Variants in CDK14 observed in about 807,000 individuals in gnomAD.
CDK14 encodes the protein cyclin-dependent kinase 14.
A neutral mutation model predicts 60.7 loss-of-function variants in CDK14; 34 were observed. The observed-to-expected ratio is 0.56, with a 90% confidence interval of 0.43 to 0.75. The LOEUF (loss-of-function observed/expected upper bound fraction) is 0.75. Ranked by LOEUF, CDK14 falls within the 30% of genes least tolerant of loss-of-function variation. The pLI is 0.00. For synonymous variants in CDK14, 197 were observed against 203.7 expected (o/e 0.97, Z 0.28); for missense variants, 482 against 564.1 (o/e 0.85, Z 1.47).
chr7:90,732,400 G>A (rs183382006), intron 3 of CDK14, among the ~76,000 whole-genome samples: 4 of 152,264 alleles, frequency 2.6e-5, no homozygotes, highest in East Asian at 3.9e-4. Context: ...GTTTGGAATC[G>A]TTTCAGAAGG....
At chr7:90,976,545 T>G (rs1024073226) in intron 9 of CDK14, among the ~76,000 whole-genome samples, 3 of 151,888 alleles carry the variant, frequency 2.0e-5, no homozygotes, top group African/African-American at 7.3e-5. Context: ...TTTAACTTTT[T>G]GTGGAGACAG....
At chr7:90,994,996 CTT>C (rs1465216840) in intron 10 of CDK14, among the ~76,000 whole-genome samples, 1 of 152,206 alleles carries the variant, frequency 6.6e-6, no homozygotes, top group African/African-American at 2.4e-5. Context: ...TATGTTATCT[CTT>C]GAGGTGAGCA....
chr7:91,176,498 C>G (rs1296999390), intron 14 of CDK14, among the ~76,000 whole-genome samples: 1 of 151,970 alleles, frequency 6.6e-6, no homozygotes, highest in Non-Finnish European at 1.5e-5. Context: ...AAAAACCCTT[C>G]AAAAAATTAA....
At chr7:90,778,909 T>C (rs966707091) in intron 4 of CDK14, among the ~76,000 whole-genome samples, 4 of 149,704 alleles carry the variant, frequency 2.7e-5, no homozygotes, top group Non-Finnish European at 5.9e-5. Context: ...CTTTTCTCTC[T>C]CCTCTCTCTT....
intron 2 of CDK14, among the ~76,000 whole-genome samples, chr7:90,722,800 G>A (rs576023795): frequency 3.9e-5 from 6 of 152,212 alleles, no homozygotes; most frequent in Admixed American, 3.9e-4. Flanking sequence ...TTGTAAGGCC[G>A]TTAAGGCATG....
intron 9 of CDK14, among the ~76,000 whole-genome samples, chr7:90,973,357 A>G (rs1430304552): frequency 1.3e-5 from 2 of 152,140 alleles, no homozygotes; most frequent in Non-Finnish European, 2.9e-5. Flanking sequence ...ATGCTGTGTC[A>G]TGATCCCTCT....
At chr7:90,882,256 G>A (rs1476362608) in intron 6 of CDK14, among the ~76,000 whole-genome samples, 1 of 44,114 alleles carries the variant, frequency 2.3e-5, no homozygotes, top group Non-Finnish European at 4.6e-5. Flanking sequence ...CCAAGCAAAT[G>A]GAAAGCAAAA....
chr7:90,931,999 T>A (rs1325581603), intron 8 of CDK14, among the ~76,000 whole-genome samples: 1 of 152,202 alleles, frequency 6.6e-6, no homozygotes, highest in Non-Finnish European at 1.5e-5. Flanking sequence ...ACGGAAAAAT[T>A]AGGGAAGCAA....
chr7:90,871,290 A>G (rs1791365313), intron 6 of CDK14, among the ~76,000 whole-genome samples: 1 of 152,204 alleles, frequency 6.6e-6, no homozygotes, highest in South Asian at 2.1e-4. Flanking sequence ...TTGGTTTTAA[A>G]AAAAGAAAGC....
In CDK14 at chr7:91,133,404, A is replaced by C. The variant is rs147489447; in HGVS notation, c.*28+15196A>C. On this transcript the variant is annotated intron_variant, in intron 14 of 14. Transcript: ENST00000380050. ...CAGGGATAATTATGATAACAATGAA[A>C]AAAATGTTGAAACAACTAATGTAAA... 3.3e-4 allele frequency among the ~76,000 whole-genome samples: 51 copies of C among 152,314 alleles called. No individual in the cohort carries two copies. In the East Asian group the frequency reaches 9.1e-3, roughly 27 times the overall value.
At chr7:90,778,166 T>TGTTC (rs1347740238) in intron 4 of CDK14, among the ~76,000 whole-genome samples, 4 of 152,238 alleles carry the variant, frequency 2.6e-5, no homozygotes, top group Non-Finnish European at 4.4e-5. Context: ...TCCAGTTGGA[T>TGTTC]GTTCCCAGAC....
At chr7:90,634,898 T>C (rs1429141618) in intron 2 of CDK14, among the ~76,000 whole-genome samples, 2 of 152,158 alleles carry the variant, frequency 1.3e-5, no homozygotes, top group Admixed American at 6.5e-5. Flanking sequence ...GATGAGCATT[T>C]TTTCATGTGT....
intron 5 of CDK14, among the ~76,000 whole-genome samples, chr7:90,825,147 A>T (rs1789679470): frequency 6.6e-6 from 1 of 152,172 alleles, no homozygotes. Context: ...TATATAACTA[A>T]AGCTTATGTG....
chr7:90,872,557 C>T (rs1791403223), intron 6 of CDK14, among the ~76,000 whole-genome samples: 1 of 152,114 alleles, frequency 6.6e-6, no homozygotes, highest in African/African-American at 2.4e-5. Flanking sequence ...TCTTTTCTAT[C>T]CTTTTCCCTA....
intron 12 of CDK14, among the ~76,000 whole-genome samples, chr7:91,101,580 CATT>C (rs1221367685): frequency 1.3e-5 from 2 of 152,094 alleles, no homozygotes; most frequent in African/African-American, 2.4e-5. Context: ...GGAGGAATCT[CATT>C]ATTTTTTTTA....
At chr7:90,737,447 T>A (rs1313693605) in intron 3 of CDK14, among the ~76,000 whole-genome samples, 1 of 152,138 alleles carries the variant, frequency 6.6e-6, no homozygotes, top group African/African-American at 2.4e-5. Flanking sequence ...TCACTTCTGT[T>A]TTTAGATACT....
At chr7:90,758,818 G>T (rs1804193084) in intron 4 of CDK14, among the ~76,000 whole-genome samples, 2 of 152,206 alleles carry the variant, frequency 1.3e-5, no homozygotes, top group Non-Finnish European at 2.9e-5. Context: ...CACTTTGCAA[G>T]GGCAAGGCGG....
chr7:90,906,298 T>C (rs1353323042), intron 7 of CDK14, among the ~76,000 whole-genome samples: 3 of 152,138 alleles, frequency 2.0e-5, no homozygotes, highest in East Asian at 1.9e-4. Context: ...TCAACTGAGC[T>C]AAAATAAGAC....
intron 12 of CDK14, among the ~76,000 whole-genome samples, chr7:91,109,230 T>C (rs1799404672): frequency 6.6e-6 from 1 of 152,158 alleles, no homozygotes; most frequent in Admixed American, 6.5e-5. Flanking sequence ...TAACTTAATA[T>C]TTGCATACTT....
Sources: allele counts gnomAD v4.1 joint callset (sites outside exome capture counted in the v4.1 genomes callset), GRCh38; gene constraint gnomAD v4.1.1; transcripts MANE v1.5; gene names NCBI Gene and HGNC (gene_info 2026-07-23, HGNC 2026-07-21).